CPNE4: variants seen among roughly 807,000 people sequenced by gnomAD.
The protein encoded by CPNE4 is copine-4.
In CPNE4, 25 loss-of-function variants were observed where a neutral mutation model predicts 67.9. The ratio of observed to expected loss-of-function variants is 0.37; its 90% CI spans 0.27 to 0.51. The LOEUF (loss-of-function observed/expected upper bound fraction) is 0.51, where lower values mean the gene tolerates loss of function less well. CPNE4 is among the 20% of genes least tolerant of loss of function. The pLI is 0.93. For synonymous variants in CPNE4, 242 were observed against 244.9 expected (o/e 0.99, Z 0.11); for missense variants, 464 against 690.8 (o/e 0.67, Z 3.68).
intron 5 of CPNE4, among the ~76,000 whole-genome samples, chr3:131,689,663 G>A (rs2080982458): frequency 6.6e-6 from 1 of 152,188 alleles, no homozygotes; most frequent in Admixed American, 6.6e-5. Flanking sequence ...AATAAGACAA[G>A]CATGTCAACT....
intron 2 of CPNE4, among the ~76,000 whole-genome samples, chr3:131,756,052 T>G (rs2082743753): frequency 6.6e-6 from 1 of 151,986 alleles, no homozygotes; most frequent in Non-Finnish European, 1.5e-5. Flanking sequence ...TCATGCCAAG[T>G]GTTAAGCTAG....
rs1284293833 is a variant in CPNE4 at position 131,956,136 on chromosome 3, T to C, written c.-1-50692A>G. ...ATATGTTAGCATTTTATTTAGGAAT[T>C]ATTCATTTATGGTCTTAAATAAGAT... is the stretch of plus-strand genomic sequence containing the variant. On this transcript the variant is annotated intron_variant, in intron 1 of 15. Coordinates refer to ENST00000429747, the MANE Select transcript of CPNE4 (RefSeq NM_130808.3). 2.6e-5 allele frequency among the ~76,000 whole-genome samples: 4 copies of C among 152,242 alleles called. No individual in the cohort carries two copies. The South Asian group carries it at 8.3e-4, about 31-fold the overall frequency.
At chr3:131,841,727 A>C (rs2107620517) in intron 2 of CPNE4, among the ~76,000 whole-genome samples, 1 of 152,334 alleles carries the variant, frequency 6.6e-6, no homozygotes. Flanking sequence ...ATGAACATGG[A>C]GATGGACCAC....
At chr3:132,015,275 G>T (rs934305359) in intron 1 of CPNE4, among the ~76,000 whole-genome samples, 1 of 152,066 alleles carries the variant, frequency 6.6e-6, no homozygotes, top group Non-Finnish European at 1.5e-5. Context: ...ATAACACAGA[G>T]AGTTAAATAA....
intron 7 of CPNE4, among the ~76,000 whole-genome samples, chr3:131,602,244 C>T (rs965609639): frequency 3.9e-5 from 6 of 152,050 alleles, no homozygotes; most frequent in Non-Finnish European, 8.8e-5. Context: ...GTCCTGGCTC[C>T]CACTGTGTTC....
chr3:131,977,810 T>A (rs189809287), intron 1 of CPNE4, among the ~76,000 whole-genome samples: 4 of 151,664 alleles, frequency 2.6e-5, no homozygotes, highest in Non-Finnish European at 5.9e-5. Flanking sequence ...ACCATATTTG[T>A]AGTCTTTTAT....
chr3:131,715,135 A>G (rs7611999), intron 3 of CPNE4, among the ~76,000 whole-genome samples: 133,572 of 152,190 alleles, frequency 0.88, 59,072 homozygotes, highest in Non-Finnish European at 0.94. Flanking sequence ...ATGGTTGAAG[A>G]TGAAAGGAAG....
At chr3:131,791,360 C>T (rs1606512) in intron 2 of CPNE4, among the ~76,000 whole-genome samples, 29,637 of 152,090 alleles carry the variant, frequency 0.19, 3,542 homozygotes, top group Non-Finnish European at 0.26. Flanking sequence ...TATTTTTAGT[C>T]ATCCAACAAC....
intron 2 of CPNE4, among the ~76,000 whole-genome samples, chr3:131,769,763 T>C (rs181573961): frequency 5.6e-4 from 86 of 152,292 alleles, no homozygotes; most frequent in African/African-American, 1.9e-3. Context: ...AAAGAGCTTC[T>C]TCCCTCCTTT....
intron 7 of CPNE4, among the ~76,000 whole-genome samples, chr3:131,614,495 T>G (rs1041962615): frequency 6.6e-6 from 1 of 152,146 alleles, no homozygotes; most frequent in African/African-American, 2.4e-5. Flanking sequence ...CTCTTTAACT[T>G]GTGCCAGGAA....
intron 2 of CPNE4, among the ~76,000 whole-genome samples, chr3:131,728,360 A>G (rs1425049477): frequency 6.6e-6 from 1 of 152,226 alleles, no homozygotes; most frequent in Non-Finnish European, 1.5e-5. Context: ...TGTAGGTAGC[A>G]GAGGTGGGAT....
At chr3:131,664,757 T>C (rs2080216066) in intron 7 of CPNE4, among the ~76,000 whole-genome samples, 1 of 152,164 alleles carries the variant, frequency 6.6e-6, no homozygotes, top group East Asian at 1.9e-4. Context: ...ACAATGTGGT[T>C]AGAAGTAAAT....
At chr3:131,958,947 G>A (rs567167201) in intron 1 of CPNE4, among the ~76,000 whole-genome samples, 2 of 135,312 alleles carry the variant, frequency 1.5e-5, no homozygotes, top group Non-Finnish European at 3.1e-5. Context: ...CGTGAGCCAC[G>A]GCTCCCGGCC....
chr3:131,943,837 A>G (rs1283146101), intron 1 of CPNE4, among the ~76,000 whole-genome samples: 1 of 152,136 alleles, frequency 6.6e-6, no homozygotes, highest in Non-Finnish European at 1.5e-5. Context: ...CTCCTTGTGC[A>G]TTACGCTGTA....
chr3:131,724,505 T>G (rs926148675), intron 2 of CPNE4, among the ~76,000 whole-genome samples: 6 of 152,186 alleles, frequency 3.9e-5, no homozygotes, highest in African/African-American at 1.4e-4. Context: ...GTCTATGGAT[T>G]GATTTTCCTG....
chr3:131,765,337 A>G (rs2082984669), intron 2 of CPNE4, among the ~76,000 whole-genome samples: 3 of 152,136 alleles, frequency 2.0e-5, no homozygotes, highest in Admixed American at 2.0e-4. Flanking sequence ...TAATCTAAGA[A>G]ATACTATATT....
intron 2 of CPNE4, among the ~76,000 whole-genome samples, chr3:131,797,836 T>C (rs2083960622): frequency 6.6e-6 from 1 of 152,100 alleles, no homozygotes; most frequent in African/African-American, 2.4e-5. Flanking sequence ...GTGAATAAAA[T>C]TACCCCATGC....
chr3:131,733,529 C>A (rs1056777348), intron 2 of CPNE4, among the ~76,000 whole-genome samples: 22 of 152,228 alleles, frequency 1.4e-4, no homozygotes, highest in Non-Finnish European at 1.9e-4. Flanking sequence ...CGTATACCCC[C>A]CAACTCCAGC....
At chr3:131,994,292 G>A (rs2073237460) in intron 1 of CPNE4, among the ~76,000 whole-genome samples, 1 of 136,144 alleles carries the variant, frequency 7.3e-6, no homozygotes, top group African/African-American at 2.5e-5. Flanking sequence ...TCAGTAAGGT[G>A]AGTTTTTTAG....
Sources: gnomAD v4.1 joint callset for allele counts (sites outside exome capture counted in the v4.1 genomes callset) on GRCh38, gnomAD v4.1.1 for gene constraint, MANE v1.5 for transcripts, NCBI Gene and HGNC (gene_info 2026-07-23, HGNC 2026-07-21) for gene names.